The following ITGBL1 variants were observed in gnomAD, a reference collection of about 807,000 sequenced individuals.
ITGBL1 encodes the protein integrin subunit beta like 1, also known as integrin beta-like protein 1.
A neutral mutation model predicts 68.5 loss-of-function variants in ITGBL1; 51 were observed. That is an observed-to-expected ratio of 0.74 (90% CI 0.59 to 0.94). The LOEUF is 0.94. Among genes scored for constraint, ITGBL1 ranks in the 40% least tolerant of loss-of-function variants. The probability of loss-of-function intolerance (pLI) is 0.00; values close to 1 mark genes in which losing one functional copy is unlikely to be tolerated. For missense variants in ITGBL1, 649 were observed against 647.4 expected (o/e 1.00, Z -0.03); for synonymous variants, 209 against 227.3 (o/e 0.92, Z 0.72).
intron 2 of ITGBL1, among the ~76,000 whole-genome samples, chr13:101,467,272 C>T (rs1028699428): frequency 7.9e-5 from 12 of 152,036 alleles, no homozygotes; most frequent in Admixed American, 3.3e-4. Context: ...ATCAGTGGGA[C>T]GGGGATATTG....
intron 7 of ITGBL1, among the ~76,000 whole-genome samples, chr13:101,626,711 G>A (rs1399278618): frequency 1.3e-5 from 2 of 152,122 alleles, no homozygotes; most frequent in Non-Finnish European, 1.5e-5. Flanking sequence ...TTTCGTTGTG[G>A]AGAAAATCTA....
At chr13:101,625,888 C>T (rs541366571) in intron 7 of ITGBL1, among the ~76,000 whole-genome samples, 6 of 152,218 alleles carry the variant, frequency 3.9e-5, no homozygotes, top group African/African-American at 1.4e-4. Context: ...TTTAATGATG[C>T]GTTAGACACT....
At chr13:101,671,324 CATT>C (rs762175724) in intron 7 of ITGBL1, among the ~76,000 whole-genome samples, 29 of 151,256 alleles carry the variant, frequency 1.9e-4, no homozygotes, top group African/African-American at 5.3e-4. Flanking sequence ...TTATTTGAAA[CATT>C]GTTGTTTCTT....
intron 9 of ITGBL1, chr13:101,710,793 T>G (rs1330647129): frequency 6.6e-6 from 1 of 152,190 alleles, no homozygotes; most frequent in Non-Finnish European, 1.5e-5. Flanking sequence ...AATAAAGCTG[T>G]CACCTCAGGA....
intron 7 of ITGBL1, among the ~76,000 whole-genome samples, chr13:101,623,917 C>A (rs915221410): frequency 6.6e-6 from 1 of 152,274 alleles, no homozygotes; most frequent in East Asian, 1.9e-4. Flanking sequence ...TTTTTAAAAA[C>A]CCTATTGCTT....
chr13:101,514,821 C>T (rs1391042489), intron 2 of ITGBL1, among the ~76,000 whole-genome samples: 1 of 152,018 alleles, frequency 6.6e-6, no homozygotes, highest in Non-Finnish European at 1.5e-5. Context: ...AACTTAGATG[C>T]CTTCCATTCC....
chr13:101,661,308 G>C (rs1479714522), intron 7 of ITGBL1, among the ~76,000 whole-genome samples: 1 of 152,052 alleles, frequency 6.6e-6, no homozygotes, highest in Non-Finnish European at 1.5e-5. Context: ...CTAAGTTCAG[G>C]ACACGTTTTT....
chr13:101,674,646 A>G (rs1215669941), intron 7 of ITGBL1, among the ~76,000 whole-genome samples: 1 of 152,006 alleles, frequency 6.6e-6, no homozygotes, highest in Non-Finnish European at 1.5e-5. Flanking sequence ...TGATTTTAAA[A>G]TGATAAAGCA....
Position 101,575,477 on chromosome 13 carries a change from G to A in ITGBL1, c.517G>A (p.Val173Met). ...TGATAATTCAGATGGAAGTGGACTT[G>A]TGTATGGTAAATTTTGTGAGTGTGA... ...KCDNSDGSGLVYGKFCECDDR... is the reference protein window; with the variant it reads ...KCDNSDGSGLMYGKFCECDDR... The change falls in exon 4 of 11, where the codon GTG becomes ATG. Residue 173 changes from valine to methionine, a missense_variant. By Grantham distance (21) the Val-to-Met change is conservative. Coordinates refer to ENST00000376180, the MANE Select transcript of ITGBL1 (RefSeq NM_004791.3). The A allele has an allele frequency of 6.2e-7, 1 of 1,612,924 alleles. No homozygotes were observed. Among genetic ancestry groups the A allele is most frequent in the East Asian group, 2.2e-5 (1 of 44,822 alleles).
At chr13:101,681,546 C>G (rs2033642179) in intron 7 of ITGBL1, among the ~76,000 whole-genome samples, 1 of 152,146 alleles carries the variant, frequency 6.6e-6, no homozygotes, top group Non-Finnish European at 1.5e-5. Context: ...TAGTGGGCGA[C>G]TGTGTCTGTC....
chr13:101,669,002 C>T (rs1469992836), intron 7 of ITGBL1, among the ~76,000 whole-genome samples: 1 of 151,986 alleles, frequency 6.6e-6, no homozygotes, highest in Non-Finnish European at 1.5e-5. Context: ...GTTCAAAATG[C>T]TTACCTCCTA....
intron 7 of ITGBL1, among the ~76,000 whole-genome samples, chr13:101,605,645 T>C (rs963513984): frequency 2.6e-5 from 4 of 151,666 alleles, no homozygotes; most frequent in Admixed American, 6.6e-5. Context: ...TGTATGTGTG[T>C]ATGCGTATGC....
intron 7 of ITGBL1, among the ~76,000 whole-genome samples, chr13:101,684,152 C>T (rs2033702494): frequency 6.6e-6 from 1 of 151,928 alleles, no homozygotes; most frequent in South Asian, 2.1e-4. Context: ...TTCAGTGTCA[C>T]CTTGTCCTAA....
intron 7 of ITGBL1, among the ~76,000 whole-genome samples, chr13:101,691,574 A>G (rs901524833): frequency 3.3e-5 from 5 of 152,198 alleles, no homozygotes; most frequent in African/African-American, 1.2e-4. Context: ...AGGGAGTAAC[A>G]GATGTCTCGG....
chr13:101,602,934 C>G (rs2030479211), intron 7 of ITGBL1, among the ~76,000 whole-genome samples: 1 of 151,938 alleles, frequency 6.6e-6, no homozygotes, highest in South Asian at 2.1e-4. Context: ...GAATAATATC[C>G]TGTTGTATGG....
chr13:101,559,224 C>T lies in ITGBL1; in HGVS notation c.317-8475C>T, dbSNP rs2050061246. Among the ~76,000 whole-genome samples the T allele has an allele frequency of 1.3e-5, 2 of 152,110 alleles. 1 individual carries two copies. The highest frequency in any genetic ancestry group is 4.1e-4 in the South Asian group (2 of 4,828). On this transcript the variant is annotated intron_variant, in intron 2 of 10. Coordinates refer to ENST00000376180, the MANE Select transcript of ITGBL1 (RefSeq NM_004791.3). ...CTGATCACAATTAATTGATGTCTGT[C>T]ACCCCCTTGTTTTAATAGATTGAGT... is the stretch of plus-strand genomic sequence containing the variant.
At chr13:101,678,138 G>T (rs1031087790) in intron 7 of ITGBL1, among the ~76,000 whole-genome samples, 30 of 152,128 alleles carry the variant, frequency 2.0e-4, no homozygotes, top group African/African-American at 5.3e-4. Context: ...ACTATTTGAG[G>T]ATAAGTTGCT....
chr13:101,700,816 A>AT (rs1326784390), intron 8 of ITGBL1, among the ~76,000 whole-genome samples: 1 of 152,128 alleles, frequency 6.6e-6, no homozygotes, highest in Non-Finnish European at 1.5e-5. Flanking sequence ...TTCCTAGAAC[A>AT]TTGGCTGTCT....
chr13:101,605,844 A>G (rs2030793805), intron 7 of ITGBL1, among the ~76,000 whole-genome samples: 2 of 150,904 alleles, frequency 1.3e-5, no homozygotes, highest in Non-Finnish European at 3.0e-5. Flanking sequence ...ATATGCATAT[A>G]CATATGTATG....
Sources: allele counts gnomAD v4.1 joint callset (sites outside exome capture counted in the v4.1 genomes callset), GRCh38; gene constraint gnomAD v4.1.1; transcripts MANE v1.5; gene names NCBI Gene and HGNC (gene_info 2026-07-23, HGNC 2026-07-21).